TMEM135: variants seen among roughly 807,000 people sequenced by gnomAD.
The protein encoded by TMEM135 is peroxisomal membrane protein 52.
A neutral mutation model predicts 60.3 loss-of-function variants in TMEM135; 30 were observed. The observed-to-expected ratio is 0.50, with a 90% CI of 0.37 to 0.68. The LOEUF (loss-of-function observed/expected upper bound fraction) is 0.68, where lower values mean the gene tolerates loss of function less well. Ranked by LOEUF, TMEM135 falls within the 30% of genes least tolerant of loss-of-function variation. The probability of loss-of-function intolerance (pLI) is 0.00; values close to 1 mark genes in which losing one functional copy is unlikely to be tolerated. For synonymous variants in TMEM135, 190 were observed against 186.7 expected (o/e 1.02, Z -0.14); for missense variants, 468 against 548.8 (o/e 0.85, Z 1.47).
chr11:87,257,787 T>G (rs569792922), intron 6 of TMEM135, among the ~76,000 whole-genome samples: 85 of 152,244 alleles, frequency 5.6e-4, no homozygotes, highest in African/African-American at 1.9e-3. Flanking sequence ...GTTCTAAAAG[T>G]AATTGTGGTG....
rs1857204026 is a variant in TMEM135 at position 87,091,504 on chromosome 11, T to A, written c.396+109T>A. 3.7e-6 allele frequency: 4 copies of A among 1,077,420 alleles called. No homozygotes were observed. The South Asian group carries it at 4.0e-5, about 11-fold the overall frequency. 66.7% of individuals were successfully genotyped at this position (1,077,420 alleles called of 1,614,324 possible). On this transcript the variant is annotated intron_variant, in intron 4 of 14. Coordinates refer to ENST00000305494, the MANE Select transcript of TMEM135 (RefSeq NM_022918.4). ...GAAAGCCACTTGTATTTGAGGATAA[T>A]CTTCTCTGTGTTAATGGATAGAATT...
chr11:87,087,976 G>A (rs967205809), intron 3 of TMEM135, among the ~76,000 whole-genome samples: 2 of 152,136 alleles, frequency 1.3e-5, no homozygotes, highest in African/African-American at 4.8e-5. Flanking sequence ...GATCCCAGGT[G>A]ATCCGCCCTC....
chr11:87,066,976 T>A (rs929716043), intron 1 of TMEM135, among the ~76,000 whole-genome samples: 1 of 151,282 alleles, frequency 6.6e-6, no homozygotes, highest in Non-Finnish European at 1.5e-5. Context: ...GAGACAAGGT[T>A]TCACCATGTT....
At position 87,196,317 on chromosome 11, in the gene TMEM135, A is replaced by C. The variant is rs554341440; in HGVS notation, c.462+38911A>C. Among the ~76,000 whole-genome samples, 27 of 152,284 alleles carry C rather than the reference A, an allele frequency of 1.8e-4. 1 individual carries two copies. The South Asian group carries it at 5.6e-3, about 32-fold the overall frequency. ...AATATTGCAGGTATATTCATATTTT[A>C]ATTTGATATGCTTAAAATAAAAATG... On this transcript the variant is annotated intron_variant, in intron 5 of 14. Coordinates refer to ENST00000305494, the MANE Select transcript of TMEM135 (RefSeq NM_022918.4).
chr11:87,092,801 T>TTTTTACTTTTTGTAGTCTGTTGG (rs560149319), intron 4 of TMEM135, among the ~76,000 whole-genome samples: 1,620 of 152,224 alleles, frequency 0.011, 38 homozygotes, highest in African/African-American at 0.038. Flanking sequence ...TGGTTACTTT[T>TTTTTACTTTTTGTAGTCTGTTGG]TTTTACTTTT....
At chr11:87,279,778 A>G (rs1010720518) in intron 6 of TMEM135, among the ~76,000 whole-genome samples, 1 of 152,218 alleles carries the variant, frequency 6.6e-6, no homozygotes, top group Admixed American at 6.5e-5. Context: ...TGTCCCCACA[A>G]TACATTAATG....
At chr11:87,086,177 A>G (rs577855360) in intron 3 of TMEM135, among the ~76,000 whole-genome samples, 2 of 152,280 alleles carry the variant, frequency 1.3e-5, no homozygotes, top group Admixed American at 1.3e-4. Flanking sequence ...GTTCTTAGAA[A>G]TACCTTGTTG....
Position 87,323,321 on chromosome 11 carries a change from T to A in TMEM135, c.*1988T>A, listed in dbSNP as rs1942859301. 2.2e-6 allele frequency: 1 copy of A among 453,878 alleles called. No homozygotes were observed. Among genetic ancestry groups the A allele is most frequent in the Non-Finnish European group, 4.4e-6 (1 of 226,750 alleles). 28.1% of individuals were successfully genotyped at this position (453,878 alleles called of 1,614,324 possible). A position where few individuals can be genotyped will look rare whatever the true frequency, so the allele number is the denominator to read the frequency against. ...TACAATGATGAATGTATAGGTTGAG[T>A]GAATAACCAATTTGCAGTGGTGGAT... On this transcript the variant is annotated 3_prime_UTR_variant, in exon 15 of 15. Transcript: ENST00000305494.
At chr11:87,203,032 CAAAAAAAAAA>C (rs534909524) in intron 5 of TMEM135, among the ~76,000 whole-genome samples, 5 of 33,568 alleles carry the variant, frequency 1.5e-4, no homozygotes, top group East Asian at 9.8e-4. Flanking sequence ...GACTCCGTCT[CAAAAAAAAAA>C]AAAAAAAAAA....
intron 4 of TMEM135, among the ~76,000 whole-genome samples, chr11:87,116,475 C>T (rs750834085): frequency 5.9e-5 from 9 of 152,256 alleles, no homozygotes; most frequent in Admixed American, 2.0e-4. Context: ...TGAAACTTTT[C>T]AGAAACTTAA....
chr11:87,105,270 G>A (rs1433736189), intron 4 of TMEM135, among the ~76,000 whole-genome samples: 3 of 152,158 alleles, frequency 2.0e-5, no homozygotes, highest in African/African-American at 7.2e-5. Flanking sequence ...GATGATACGC[G>A]GGTGAGCGAG....
At chr11:87,119,256 T>A (rs1031096986) in intron 4 of TMEM135, among the ~76,000 whole-genome samples, 3 of 152,212 alleles carry the variant, frequency 2.0e-5, no homozygotes, top group African/African-American at 7.2e-5. Flanking sequence ...TATTGTTGTG[T>A]CTCAGGGAAT....
intron 5 of TMEM135, among the ~76,000 whole-genome samples, chr11:87,172,572 G>T (rs1939267853): frequency 1.3e-5 from 2 of 152,002 alleles, no homozygotes; most frequent in South Asian, 4.1e-4. Flanking sequence ...TTGCTAGAGT[G>T]AGAGTAGGGA....
rs181093351 is a variant in TMEM135 at position 87,137,110 on chromosome 11, A to G, written c.397-20231A>G. On this transcript the variant is annotated intron_variant, in intron 4 of 14. Coordinates refer to ENST00000305494, the MANE Select transcript of TMEM135 (RefSeq NM_022918.4). ...GTGACTATAGTTACGGATTTGTGAT[A>G]TTTTATTGTGAAGTTGTATCAGTTT... is the stretch of plus-strand genomic sequence containing the variant. 1.7e-3 allele frequency among the ~76,000 whole-genome samples: 261 copies of G among 152,154 alleles called. 1 individual carries two copies. The highest frequency in any genetic ancestry group is 3.4e-3 in the Middle Eastern group (1 of 294).
At chr11:87,148,683 A>G (rs1238035116) in intron 4 of TMEM135, among the ~76,000 whole-genome samples, 1 of 152,216 alleles carries the variant, frequency 6.6e-6, no homozygotes, top group Non-Finnish European at 1.5e-5. Context: ...ATTAAATAGA[A>G]TTAAAAAAGA....
intron 7 of TMEM135, among the ~76,000 whole-genome samples, chr11:87,297,130 G>A (rs1942360292): frequency 6.6e-6 from 1 of 152,134 alleles, no homozygotes; most frequent in South Asian, 2.1e-4. Flanking sequence ...CTAGAATTTG[G>A]GTGATAGTGG....
At position 87,173,300 on chromosome 11, in the gene TMEM135, G is replaced by A. The variant is rs1230425549; in HGVS notation, c.462+15894G>A. Among the ~76,000 whole-genome samples, 8 of 152,252 alleles carry A rather than the reference G, an allele frequency of 5.3e-5. No homozygotes were observed. The South Asian group carries it at 1.2e-3, about 24-fold the overall frequency. ...AAATAAACAAATATTCATTGATAGC[G>A]TCCTAAAGGCAAATGTGATGCGTGG... On this transcript the variant is annotated intron_variant, in intron 5 of 14. Transcript: ENST00000305494.
chr11:87,284,880 T>C (rs898569593), intron 6 of TMEM135, among the ~76,000 whole-genome samples: 10 of 152,238 alleles, frequency 6.6e-5, no homozygotes, highest in African/African-American at 2.2e-4. Flanking sequence ...AAGTGCCATA[T>C]GAAGGCTGAA....
intron 1 of TMEM135, among the ~76,000 whole-genome samples, chr11:87,053,776 C>G (rs1227010110): frequency 6.6e-6 from 1 of 152,128 alleles, no homozygotes; most frequent in Non-Finnish European, 1.5e-5. Flanking sequence ...TAATATAGTA[C>G]TGTATTAAAG....
Sources: gnomAD v4.1 joint callset for allele counts (sites outside exome capture counted in the v4.1 genomes callset) on GRCh38, gnomAD v4.1.1 for gene constraint, MANE v1.5 for transcripts, NCBI Gene and HGNC (gene_info 2026-07-23, HGNC 2026-07-21) for gene names.